CREM: variants seen among roughly 807,000 people sequenced by gnomAD.
The protein encoded by CREM is cAMP responsive element modulator, also known as cAMP-responsive element modulator.
In CREM, 13 loss-of-function variants were observed where a neutral mutation model predicts 37.3. That is an observed-to-expected ratio of 0.35 (90% CI 0.23 to 0.55). CREM has a LOEUF of 0.55. Ranked by LOEUF, CREM falls within the 20% of genes least tolerant of loss-of-function variation. The pLI, the probability that CREM is intolerant of heterozygous loss-of-function variation, is 0.88. For synonymous variants in CREM, 124 were observed against 120.2 expected, an observed-to-expected ratio of 1.03 and a Z score of -0.21; for missense variants, 296 against 362.3, an observed-to-expected ratio of 0.82 and a Z score of 1.49.
At chr10:35,204,416 A>G (rs541873813) in intron 6 of CREM, among the ~76,000 whole-genome samples, 2 of 152,286 alleles carry the variant, frequency 1.3e-5, no homozygotes, top group African/African-American at 4.8e-5. Context: ...CCTGGGCAAC[A>G]TGGTGAAACC....
At chr10:35,176,278 C>T (rs1296310815) in intron 3 of CREM, among the ~76,000 whole-genome samples, 2 of 152,214 alleles carry the variant, frequency 1.3e-5, no homozygotes, top group East Asian at 1.9e-4. Flanking sequence ...GTTCTGTGTT[C>T]AAACTCAGAT....
chr10:35,200,402 C>T (rs1301567838), intron 6 of CREM, among the ~76,000 whole-genome samples: 1 of 152,112 alleles, frequency 6.6e-6, no homozygotes, highest in Non-Finnish European at 1.5e-5. Flanking sequence ...TATGTGAAAG[C>T]ATCACATTAT....
intron 5 of CREM, among the ~76,000 whole-genome samples, chr10:35,187,899 C>A (rs879601663): frequency 6.6e-6 from 1 of 152,214 alleles, no homozygotes; most frequent in African/African-American, 2.4e-5. Context: ...CTCCCTGTCT[C>A]CTTCTCCACT....
At chr10:35,150,780 C>T (rs2092543532) in intron 3 of CREM, among the ~76,000 whole-genome samples, 1 of 151,964 alleles carries the variant, frequency 6.6e-6, no homozygotes, top group Non-Finnish European at 1.5e-5. Flanking sequence ...AAGTTGGAGC[C>T]ACTTCACTCC....
intron 3 of CREM, among the ~76,000 whole-genome samples, chr10:35,154,773 GA>G (rs2092796845): frequency 6.6e-6 from 1 of 152,036 alleles, no homozygotes; most frequent in African/African-American, 2.4e-5. Flanking sequence ...ATCCAATTCA[GA>G]AAAACCCACT....
At chr10:35,165,740 T>C (rs995739863) in intron 3 of CREM, among the ~76,000 whole-genome samples, 48 of 151,450 alleles carry the variant, frequency 3.2e-4, no homozygotes, top group African/African-American at 1.1e-3. Context: ...GTGAAACATA[T>C]CTCATATTGG....
At chr10:35,149,214 A>AT (rs1351688168) in intron 3 of CREM, among the ~76,000 whole-genome samples, 1 of 152,176 alleles carries the variant, frequency 6.6e-6, no homozygotes, top group Admixed American at 6.6e-5. Context: ...AGTGCTTTAT[A>AT]TATCTCCTTT....
At chr10:35,178,561 AG>A (rs1206382659) in intron 3 of CREM, among the ~76,000 whole-genome samples, 22 of 152,294 alleles carry the variant, frequency 1.4e-4, no homozygotes, top group African/African-American at 4.8e-4. Flanking sequence ...TTTCAGGTTG[AG>A]GAGCTTAGGT....
chr10:35,164,103 T>C (rs1273138643), intron 3 of CREM, among the ~76,000 whole-genome samples: 1 of 152,242 alleles, frequency 6.6e-6, no homozygotes, highest in East Asian at 1.9e-4. Flanking sequence ...TAGATTAAAG[T>C]TGATACTAAT....
intron 2 of CREM, among the ~76,000 whole-genome samples, chr10:35,141,934 ATGT>A (rs148428438): frequency 0.014 from 2,142 of 152,300 alleles, 51 homozygotes; most frequent in African/African-American, 0.048. Context: ...AAGAAGGAAG[ATGT>A]TGTCAACGGT....
At chr10:35,201,088 G>T (rs1168315679) in intron 6 of CREM, among the ~76,000 whole-genome samples, 1 of 151,782 alleles carries the variant, frequency 6.6e-6, no homozygotes, top group Non-Finnish European at 1.5e-5. Context: ...CATTGAAAAG[G>T]ATATCTTACA....
chr10:35,139,676 GTTTA>G (rs1325869138), intron 2 of CREM, among the ~76,000 whole-genome samples: 1 of 152,082 alleles, frequency 6.6e-6, no homozygotes. Flanking sequence ...GTACAACTAT[GTTTA>G]TTTAATATTA....
intron 1 of CREM, among the ~76,000 whole-genome samples, chr10:35,134,588 T>C (rs1415552726): frequency 2.0e-5 from 3 of 152,172 alleles, no homozygotes; most frequent in Admixed American, 1.3e-4. Flanking sequence ...GCTTATATTA[T>C]ATGAGCATTT....
At chr10:35,133,147 A>T (rs2089761982) in intron 1 of CREM, among the ~76,000 whole-genome samples, 2 of 151,916 alleles carry the variant, frequency 1.3e-5, no homozygotes, top group Non-Finnish European at 2.9e-5. Context: ...TTTCTTTTAG[A>T]AACCATCTCA....
At chr10:35,145,189 T>A (rs1564809092) in intron 2 of CREM, among the ~76,000 whole-genome samples, 2 of 150,830 alleles carry the variant, frequency 1.3e-5, no homozygotes, top group African/African-American at 4.9e-5. Context: ...AAGGTATTAT[T>A]CCTAATTTAA....
chr10:35,137,392 T>C (rs966878264), intron 1 of CREM, among the ~76,000 whole-genome samples: 1 of 152,178 alleles, frequency 6.6e-6, no homozygotes, highest in Admixed American at 6.5e-5. Flanking sequence ...ATTAATTTTA[T>C]TAAGTGATCA....
intron 2 of CREM, among the ~76,000 whole-genome samples, chr10:35,139,823 A>G (rs572545636): frequency 5.3e-5 from 8 of 152,346 alleles, no homozygotes; most frequent in African/African-American, 1.7e-4. Context: ...TATAAATTCT[A>G]TCTGGAGCAG....
chr10:35,146,018 A>T (rs953397160), intron 2 of CREM, among the ~76,000 whole-genome samples: 4 of 152,208 alleles, frequency 2.6e-5, no homozygotes, highest in African/African-American at 9.6e-5. Flanking sequence ...TAATTTGAGA[A>T]ACCAACAACC....
intron 3 of CREM, among the ~76,000 whole-genome samples, chr10:35,170,251 C>G (rs574120031): frequency 2.0e-5 from 3 of 152,264 alleles, no homozygotes; most frequent in African/African-American, 7.2e-5. Flanking sequence ...AGGCGTGAGC[C>G]ACTGTGTCTG....
Sources: allele counts gnomAD v4.1 joint callset (sites outside exome capture counted in the v4.1 genomes callset), GRCh38; gene constraint gnomAD v4.1.1; transcripts MANE v1.5; gene names NCBI Gene and HGNC (gene_info 2026-07-23, HGNC 2026-07-21).